GAD2: variants seen among roughly 807,000 people sequenced by gnomAD.
The protein encoded by GAD2 is glutamate decarboxylase 2.
Under a neutral mutation model 80.1 loss-of-function variants are expected in GAD2, and 22 were observed. The observed-to-expected ratio is 0.27, with a 90% CI of 0.20 to 0.39. GAD2 has a LOEUF of 0.39. GAD2 is among the 10% of genes least tolerant of loss of function. GAD2 has a pLI of 1.00. For missense variants in GAD2, 624 were observed against 738.4 expected (o/e 0.85, Z 1.80); for synonymous variants, 274 against 256.9 (o/e 1.07, Z -0.64).
intron 15 of GAD2, among the ~76,000 whole-genome samples, chr10:26,300,031 G>A (rs984927320): frequency 5.3e-5 from 8 of 152,182 alleles, no homozygotes; most frequent in South Asian, 4.1e-4. Flanking sequence ...TTTGGCAAGT[G>A]GTGGAAGATG....
intron 6 of GAD2, among the ~76,000 whole-genome samples, chr10:26,225,925 GT>G (rs1334948213): frequency 6.6e-6 from 1 of 152,132 alleles, no homozygotes; most frequent in Non-Finnish European, 1.5e-5. Context: ...AGGGAGCTTG[GT>G]CATCATTGCC....
chr10:26,216,644 C>T (rs1244121010), upstream of GAD2: 2 of 491,308 alleles, frequency 4.1e-6, no homozygotes, highest in Non-Finnish European at 7.1e-6. This position sits in a 1 kb window ranked among gnomAD's most constrained non-coding sequence, Gnocchi z 4.7. Context: ...CAGACACGCA[C>T]GTTTTCTGTT....
In GAD2 at chr10:26,295,062, A is replaced by G. The variant is rs1589155367; in HGVS notation, c.1584+2071A>G. 2.1e-5 allele frequency among the ~76,000 whole-genome samples: 3 copies of G among 144,564 alleles called. 1 individual carries two copies. Among genetic ancestry groups the G allele is most frequent in the Admixed American group, 6.8e-5 (1 of 14,694 alleles). The allele number at this position is 144,564 out of a possible 152,430, so 94.8% of individuals were successfully genotyped here. A position where few individuals can be genotyped will look rare whatever the true frequency, so the allele number is the denominator to read the frequency against. The stretch of plus-strand genomic sequence containing the variant: ...TCACTGGGCTGAGGGATGGAGCAAG[A>G]TGGGAATACAGAATAAAAACTTTTT... On this transcript the variant is annotated intron_variant, in intron 15 of 15. Coordinates refer to ENST00000376261, the MANE Select transcript of GAD2 (RefSeq NM_001134366.2).
chr10:26,226,752 C>T (rs1365931892), intron 6 of GAD2, among the ~76,000 whole-genome samples: 1 of 152,196 alleles, frequency 6.6e-6, no homozygotes, highest in Non-Finnish European at 1.5e-5. Context: ...ATAGCTCCAT[C>T]AATAATATCC....
chr10:26,216,862 G>T lies in GAD2; in HGVS notation c.53G>T (p.Gly18Val), dbSNP rs776361193. The change falls in exon 1 of 16, where the codon GGG (glycine) becomes GTG (valine). Residue 18 changes from glycine to valine, a missense_variant. Physicochemically the swap from Gly to Val is moderately radical, Grantham distance 109 (BLOSUM62 -3). Coordinates refer to ENST00000376261, the MANE Select transcript of GAD2 (RefSeq NM_001134366.2). This position sits in a 1 kb window ranked among gnomAD's most constrained non-coding sequence, Gnocchi z 4.7. ...FWSFGSEDGS[G>V]DSENPGTARA... ...TCTTTCGGGTCGGAAGATGGCTCTG[G>T]GGATTCCGAGAATCCCGGCACAGGT... The T allele has an allele frequency of 5.6e-6, 9 of 1,611,916 alleles. No homozygotes were observed. Among genetic ancestry groups the T allele is most frequent in the Non-Finnish European group, 7.6e-6 (9 of 1,179,172 alleles).
chr10:26,244,822 T>C (rs745968583), intron 7 of GAD2, among the ~76,000 whole-genome samples: 8 of 152,082 alleles, frequency 5.3e-5, no homozygotes, highest in Non-Finnish European at 1.0e-4. Flanking sequence ...CACAACACTG[T>C]GAATATATTT....
At chr10:26,266,405 G>C (rs866602644) in intron 8 of GAD2, among the ~76,000 whole-genome samples, 12 of 152,258 alleles carry the variant, frequency 7.9e-5, no homozygotes, top group African/African-American at 2.9e-4. Flanking sequence ...CCAATTCTAA[G>C]ATAGAGAAAA....
chr10:26,291,073 C>T (rs1352178563), intron 13 of GAD2, among the ~76,000 whole-genome samples: 1 of 152,218 alleles, frequency 6.6e-6, no homozygotes, highest in Non-Finnish European at 1.5e-5. Context: ...CATCATCATT[C>T]CCATCTGATC....
At chr10:26,275,183 A>G (rs949503193) in intron 11 of GAD2, among the ~76,000 whole-genome samples, 1 of 152,276 alleles carries the variant, frequency 6.6e-6, no homozygotes, top group Non-Finnish European at 1.5e-5. Flanking sequence ...GCCTGCTCAC[A>G]TGATCAGAAC....
At chr10:26,286,608 T>A in intron 13 of GAD2, 114 bp downstream of exon 13, 1 of 1,110,260 alleles carries the variant, frequency 9.0e-7, no homozygotes. Context: ...TACCCAAGAT[T>A]TGCTTTCTTT....
intron 8 of GAD2, among the ~76,000 whole-genome samples, chr10:26,255,199 A>C (rs1241229533): frequency 6.6e-6 from 1 of 152,252 alleles, no homozygotes; most frequent in African/African-American, 2.4e-5. Context: ...TCAGAGAATC[A>C]GAAACCGGGG....
At chr10:26,279,448 T>C (rs896085324) in intron 11 of GAD2, among the ~76,000 whole-genome samples, 1 of 152,130 alleles carries the variant, frequency 6.6e-6, no homozygotes, top group Non-Finnish European at 1.5e-5. Context: ...ACCTAAGGCG[T>C]AGCTGGGGCT....
rs191310408 is a variant in GAD2 at position 26,283,144 on chromosome 10, C to A, written c.1236+2057C>A. On this transcript the variant is annotated intron_variant, in intron 12 of 15. Coordinates refer to ENST00000376261, the MANE Select transcript of GAD2 (RefSeq NM_001134366.2). ...TAGATGACTGCATTGGAAGGATCTACTGACTGGCAATTTGATGTTACCCAG... is the reference window on the plus strand; with the variant it reads ...TAGATGACTGCATTGGAAGGATCTAATGACTGGCAATTTGATGTTACCCAG... Among the ~76,000 whole-genome samples, 963 of 152,344 alleles carry A rather than the reference C, an allele frequency of 6.3e-3. 34 individuals carry two copies. The highest frequency in any genetic ancestry group is 0.059 in the Admixed American group (897 of 15,298).
chr10:26,221,492 T>C (rs1342538372), intron 4 of GAD2, among the ~76,000 whole-genome samples: 2 of 152,232 alleles, frequency 1.3e-5, no homozygotes, highest in Non-Finnish European at 2.9e-5. Context: ...TGGTGCTGGC[T>C]GGGGAAGAGT....
At chr10:26,245,078 G>C (rs7911393) in intron 7 of GAD2, among the ~76,000 whole-genome samples, 59 of 151,748 alleles carry the variant, frequency 3.9e-4, no homozygotes, top group African/African-American at 1.4e-3. Flanking sequence ...ACTGGAACCC[G>C]GGAGGCAGGG....
At chr10:26,224,468 T>C in intron 5 of GAD2, 71 bp from the exon 6 acceptor site, 3 of 895,034 alleles carry the variant, frequency 3.4e-6, no homozygotes, top group Non-Finnish European at 5.7e-6. Context: ...AATAGTTCTG[T>C]AGCTATTGTA....
At chr10:26,245,590 A>G (rs1415214822) in intron 7 of GAD2, among the ~76,000 whole-genome samples, 2 of 151,622 alleles carry the variant, frequency 1.3e-5, no homozygotes, top group South Asian at 2.1e-4. Flanking sequence ...GGCGCCCGCC[A>G]CCACACCCGG....
In GAD2 at chr10:26,224,632, C is replaced by T. The variant is rs55789936; in HGVS notation, c.705C>T (p.Gly235=). The T allele has an allele frequency of 4.3e-3, 6,897 of 1,611,374 alleles. 29 individuals are homozygous for T. Among genetic ancestry groups the T allele is most frequent in the South Asian group, 5.4e-3 (490 of 90,970 alleles). ...TCATTGGCTGGCCAGGGGGCTCTGGCGATGGGATATTTTCTCCCGGTACAT... is the reference window on the plus strand; with the variant it reads ...TCATTGGCTGGCCAGGGGGCTCTGGTGATGGGATATTTTCTCCCGGTACAT... ...REIIGWPGGS[G]DGIFSPGGAI... The change falls in exon 6 of 16, where the codon GGC becomes GGT. Residue 235 remains glycine (G), a synonymous_variant. Transcript: ENST00000376261.
intron 13 of GAD2, among the ~76,000 whole-genome samples, chr10:26,286,717 T>C (rs1845337487): frequency 6.6e-6 from 1 of 152,218 alleles, no homozygotes; most frequent in African/African-American, 2.4e-5. Flanking sequence ...TGCTCACTCA[T>C]CTGGAAAACA....
Sources: gnomAD v4.1 joint callset for allele counts (sites outside exome capture counted in the v4.1 genomes callset) on GRCh38, gnomAD v4.1.1 for gene constraint, Gnocchi (gnomAD v3.1) non-coding constraint, MANE v1.5 for transcripts, NCBI Gene and HGNC (gene_info 2026-07-23, HGNC 2026-07-21) for gene names.